PEX13: variants seen among roughly 807,000 people sequenced by gnomAD.
PEX13 encodes the protein peroxisome biogenesis factor 13.
In PEX13, 28 loss-of-function variants were observed where a neutral mutation model predicts 34.5. That is an observed-to-expected ratio of 0.81 (90% CI 0.60 to 1.11). The LOEUF (loss-of-function observed/expected upper bound fraction) is 1.11. Ranked by LOEUF, PEX13 falls within the 50% of genes most tolerant of loss-of-function variation. PEX13 has a pLI of 0.00. For missense variants in PEX13, 550 were observed against 491.0 expected (o/e 1.12, Z -1.13); for synonymous variants, 177 against 175.1 (o/e 1.01, Z -0.09).
intron 1 of PEX13, among the ~76,000 whole-genome samples, chr2:61,027,996 C>T (rs1298612976): frequency 6.6e-6 from 1 of 152,166 alleles, no homozygotes; most frequent in African/African-American, 2.4e-5. Flanking sequence ...TACCATTTTG[C>T]AGTTCCACAT....
chr2:61,025,366 T>TCA (rs1680336282), intron 1 of PEX13, among the ~76,000 whole-genome samples: 1 of 150,364 alleles, frequency 6.7e-6, no homozygotes, highest in Non-Finnish European at 1.5e-5. Flanking sequence ...ATCATTATTA[T>TCA]TATTATTATT....
chr2:61,020,956 T>G (rs894773769), intron 1 of PEX13, among the ~76,000 whole-genome samples: 1 of 152,138 alleles, frequency 6.6e-6, no homozygotes, highest in African/African-American at 2.4e-5. Flanking sequence ...TGCCCAGCCC[T>G]TACCTTGCTC....
rs1680462221 is a variant in PEX13, at chr2:61,032,101, GA to G, written c.776del (p.Asp259ValfsTer3). ...TTGGAAACTATTGTCTACTCACAGT[GA>G]TGAAGTAACAGGTAAGAGAACTGTA... Reference protein sequence around the residue: ...LIWKLLSTHSDEVTDSINWAS... With the variant: ...LIWKLLSTHSXEVTDSINWAS... On this transcript the variant is annotated frameshift_variant, in exon 2 of 4. Coordinates refer to ENST00000295030, the MANE Select transcript of PEX13 (RefSeq NM_002618.4). LOFTEE classifies it high-confidence loss of function. 1 of 1,610,578 alleles carries G rather than the reference GA, an allele frequency of 6.2e-7. No homozygotes were observed. Among genetic ancestry groups the G allele is most frequent in the African/African-American group, 1.3e-5 (1 of 74,852 alleles).
At chr2:61,023,352 T>C (rs1437521805) in intron 1 of PEX13, among the ~76,000 whole-genome samples, 2 of 151,914 alleles carry the variant, frequency 1.3e-5, no homozygotes, top group African/African-American at 4.8e-5. Flanking sequence ...GTAGCCTTGA[T>C]ACGTTTGGTC....
At chr2:61,032,572 T>C (rs992809947) in intron 2 of PEX13, among the ~76,000 whole-genome samples, 2 of 152,218 alleles carry the variant, frequency 1.3e-5, no homozygotes, top group African/African-American at 4.8e-5. Context: ...TCCAAAGAGA[T>C]AGGAATTATC....
rs1167111884 is a variant in PEX13 at position 61,048,690 on chromosome 2, G to A, written c.1132G>A (p.Glu378Lys). ...DSLDEQEAAFESVFVETNKVP... is the reference protein window; with the variant it reads ...DSLDEQEAAFKSVFVETNKVP... ...TTTGGATGAACAGGAAGCTGCCTTT[G>A]AATCTGTTTTTGTTGAAACTAATAA... The change falls in exon 4 of 4, where the codon GAA becomes AAA. Residue 378 changes from glutamate (E) to lysine (K), a missense_variant. Transcript: ENST00000295030. The A allele has an allele frequency of 1.2e-5, 19 of 1,613,988 alleles. No individual in the cohort carries two copies. Among genetic ancestry groups the A allele is most frequent in the East Asian group, 2.2e-5 (1 of 44,888 alleles).
chr2:61,046,029 C>T (rs1680699839), intron 3 of PEX13, among the ~76,000 whole-genome samples, 178 bp downstream of exon 3: 1 of 152,116 alleles, frequency 6.6e-6, no homozygotes, highest in Non-Finnish European at 1.5e-5. Context: ...AGAAATGCCC[C>T]AGCAGAGTTA....
chr2:61,045,942 G>A lies in PEX13; in HGVS notation c.913+91G>A, dbSNP rs1573560784. 2.7e-6 allele frequency: 3 copies of A among 1,107,870 alleles called. No homozygotes were observed. In the East Asian group the frequency reaches 7.1e-5, roughly 26 times the overall value. 68.6% of individuals were successfully genotyped at this position (1,107,870 alleles called of 1,614,324 possible). A position where few individuals can be genotyped will look rare whatever the true frequency, so the allele number is the denominator to read the frequency against. On this transcript the variant is annotated intron_variant, in intron 3 of 3. Coordinates refer to ENST00000295030, the MANE Select transcript of PEX13 (RefSeq NM_002618.4). ...ACTACAACAAAGGATCTTGTTCATT[G>A]TTAGTTAACTTAGAGATAGTTACTA...
At position 61,049,802 on chromosome 2, in the gene PEX13, AAAT is replaced by A; in HGVS notation, c.*1034_*1036del. On this transcript the variant is annotated 3_prime_UTR_variant, in exon 4 of 4. Coordinates refer to ENST00000295030, the MANE Select transcript of PEX13 (RefSeq NM_002618.4). Reference sequence around the variant, plus strand: ...AAAAATAAAATTATTTATTTCTTTAAAATATGACTAGTTTTCATACTGGGTGAA... The same window carrying A: ...AAAAATAAAATTATTTATTTCTTTAAATGACTAGTTTTCATACTGGGTGAA... 6.6e-6 allele frequency: 1 copy of A among 152,360 alleles called. No individual in the cohort carries two copies. The highest frequency in any genetic ancestry group is 2.4e-5 in the African/African-American group (1 of 41,576). 9.4% of individuals were successfully genotyped at this position (152,360 alleles called of 1,614,324 possible). A position where few individuals can be genotyped will look rare whatever the true frequency, so the allele number is the denominator to read the frequency against.
At chr2:61,042,419 GAC>G (rs1318265954) in intron 2 of PEX13, among the ~76,000 whole-genome samples, 7 of 151,850 alleles carry the variant, frequency 4.6e-5, no homozygotes, top group Non-Finnish European at 8.8e-5. Flanking sequence ...ATTCATATAT[GAC>G]ACACAAGAAA....
intron 1 of PEX13, among the ~76,000 whole-genome samples, chr2:61,022,382 C>G (rs149573830): frequency 1.2e-4 from 19 of 152,084 alleles, no homozygotes; most frequent in African/African-American, 4.6e-4. Context: ...TCGTGATGCA[C>G]GCACAAGCTT....
intron 2 of PEX13, among the ~76,000 whole-genome samples, chr2:61,041,354 A>T (rs80313590): frequency 3.3e-5 from 5 of 152,238 alleles, no homozygotes; most frequent in African/African-American, 1.2e-4. Context: ...AAGAACTAAT[A>T]TAAGTGAATG....
chr2:61,043,781 G>A (rs570597244), intron 2 of PEX13, among the ~76,000 whole-genome samples: 2 of 152,238 alleles, frequency 1.3e-5, no homozygotes, highest in Middle Eastern at 3.4e-3. Flanking sequence ...TGAAGATCCC[G>A]ACTTGCCCTA....
In PEX13 at chr2:61,031,916, G is replaced by A. The variant is rs372891216; in HGVS notation, c.590G>A (p.Arg197Gln). The A allele has an allele frequency of 7.4e-6, 12 of 1,613,888 alleles. No homozygotes were observed. The African/African-American group carries it at 8.0e-5, about 11-fold the overall frequency. Residue 197 changes from arginine to glutamine, a missense_variant, in exon 2 of 4, where the codon CGG (arginine) becomes CAG (glutamine). Arg to Gln is a conservative substitution (Grantham distance 43). Coordinates refer to ENST00000295030, the MANE Select transcript of PEX13 (RefSeq NM_002618.4). Reference protein sequence around the residue: ...TIRYLYRRLQRMLGLRRGSEN... With the variant: ...TIRYLYRRLQQMLGLRRGSEN... ...CGGTATCTTTACAGACGGCTACAGC[G>A]GATGTTAGGTTTAAGAAGAGGCTCT...
intron 1 of PEX13, 170 bp downstream of exon 1, chr2:61,018,021 A>T: frequency 1.4e-6 from 2 of 1,385,138 alleles, no homozygotes; most frequent in South Asian, 1.4e-5. Context: ...TGGGGACTTT[A>T]GTGTCTCACA....
chr2:61,044,296 G>GCCTCACTCAGTTGCC (rs1680671080), intron 2 of PEX13, among the ~76,000 whole-genome samples: 1 of 151,964 alleles, frequency 6.6e-6, no homozygotes, highest in African/African-American at 2.4e-5. Flanking sequence ...TTGAGACAGG[G>GCCTCACTCAGTTGCC]CCTCACTCAG....
chr2:61,017,966 C>T (rs1680125604), intron 1 of PEX13, 115 bp downstream of exon 1: 1 of 1,341,586 alleles, frequency 7.5e-7, no homozygotes, highest in Non-Finnish European at 1.0e-6. Context: ...AACCAATACC[C>T]AACCTTGGGG....
chr2:61,031,284 C>T (rs1680444728), intron 1 of PEX13, 135 bp from the exon 2 acceptor site: 1 of 740,868 alleles, frequency 1.3e-6, no homozygotes, highest in Admixed American at 2.0e-5. Context: ...AGAGTGAGAC[C>T]CTGTCTCTAA....
intron 2 of PEX13, among the ~76,000 whole-genome samples, chr2:61,043,174 C>T (rs1680653337): frequency 6.6e-6 from 1 of 151,862 alleles, no homozygotes; most frequent in Non-Finnish European, 1.5e-5. Flanking sequence ...ACAAATTACC[C>T]AGTCTGTAGT....
Sources: allele counts gnomAD v4.1 joint callset (sites outside exome capture counted in the v4.1 genomes callset), GRCh38; gene constraint gnomAD v4.1.1; transcripts MANE v1.5; gene names NCBI Gene and HGNC (gene_info 2026-07-23, HGNC 2026-07-21).